Variants in MARCHF1 observed in about 807,000 individuals in gnomAD.
The protein encoded by MARCHF1 is membrane associated ring-CH-type finger 1.
A neutral mutation model predicts 54.2 loss-of-function variants in MARCHF1; 40 were observed. The observed-to-expected ratio is 0.74, with a 90% confidence interval of 0.57 to 0.96. MARCHF1 has a LOEUF of 0.96. Ranked by LOEUF, MARCHF1 falls within the 40% of genes least tolerant of loss-of-function variation. MARCHF1 has a pLI of 0.00. For synonymous variants in MARCHF1, 236 were observed against 236.3 expected (o/e 1.00, Z 0.01); for missense variants, 586 against 656.5 (o/e 0.89, Z 1.17).
chr4:163,989,285 T>TAG (rs1560850595), intron 2 of MARCHF1, among the ~76,000 whole-genome samples: 23 of 93,724 alleles, frequency 2.5e-4, no homozygotes, highest in East Asian at 6.7e-4. Context: ...GAATGAGGTG[T>TAG]TGAGAGAGAG....
At chr4:163,616,846 G>C (rs950771072) in intron 5 of MARCHF1, among the ~76,000 whole-genome samples, 7 of 151,990 alleles carry the variant, frequency 4.6e-5, no homozygotes, top group African/African-American at 1.7e-4. Flanking sequence ...GAAAACAGTA[G>C]GGAAATTTCT....
At chr4:163,633,330 A>G (rs564174222) in intron 5 of MARCHF1, among the ~76,000 whole-genome samples, 1 of 152,280 alleles carries the variant, frequency 6.6e-6, no homozygotes, top group South Asian at 2.1e-4. Context: ...CCAAAGGCAA[A>G]GAAGTTGAAA....
chr4:163,937,707 C>T (rs11737899), intron 3 of MARCHF1, among the ~76,000 whole-genome samples: 16,334 of 151,980 alleles, frequency 0.11, 936 homozygotes, highest in Non-Finnish European at 0.12. Context: ...ATAACTTGCC[C>T]GTTGGTTCAA....
At chr4:164,300,247 C>G (rs1349213323) in intron 1 of MARCHF1, among the ~76,000 whole-genome samples, 2 of 152,038 alleles carry the variant, frequency 1.3e-5, no homozygotes, top group Non-Finnish European at 2.9e-5. Context: ...AATAAATACC[C>G]CAGCTGAAGC....
intron 7 of MARCHF1, among the ~76,000 whole-genome samples, chr4:163,593,265 G>A (rs1740651247): frequency 6.6e-6 from 1 of 152,068 alleles, no homozygotes; most frequent in Admixed American, 6.6e-5. Context: ...GTCTTTTTGG[G>A]TGCATTTGTA....
chr4:164,275,414 C>T (rs1733853947), intron 1 of MARCHF1, among the ~76,000 whole-genome samples: 1 of 152,134 alleles, frequency 6.6e-6, no homozygotes, highest in Admixed American at 6.6e-5. Flanking sequence ...AACATTGCTG[C>T]ACTTATTTTT....
chr4:164,253,080 A>T (rs920754325), intron 1 of MARCHF1, among the ~76,000 whole-genome samples: 1 of 152,158 alleles, frequency 6.6e-6, no homozygotes, highest in Admixed American at 6.6e-5. Flanking sequence ...TAAAAATAAA[A>T]CTTAAAAATA....
At chr4:163,978,635 C>G (rs1403531933) in intron 3 of MARCHF1, among the ~76,000 whole-genome samples, 1 of 152,142 alleles carries the variant, frequency 6.6e-6, no homozygotes, top group African/African-American at 2.4e-5. Context: ...ATGCTTTTAA[C>G]CACCTTACTC....
At chr4:163,665,037 G>C (rs148985969) in intron 5 of MARCHF1, among the ~76,000 whole-genome samples, 326 of 152,096 alleles carry the variant, frequency 2.1e-3, no homozygotes, top group African/African-American at 7.7e-3. Flanking sequence ...GGTCTACCAA[G>C]GTAAAAGTGT....
intron 5 of MARCHF1, among the ~76,000 whole-genome samples, chr4:163,688,756 T>G (rs1455262678): frequency 2.6e-5 from 4 of 152,130 alleles, no homozygotes; most frequent in African/African-American, 9.7e-5. Context: ...CCTCTCTGAG[T>G]ACTGTCTTCT....
intron 4 of MARCHF1, among the ~76,000 whole-genome samples, chr4:163,734,449 G>A (rs1351811539): frequency 1.3e-5 from 2 of 151,204 alleles, no homozygotes; most frequent in African/African-American, 2.4e-5. Flanking sequence ...ATTTCTATAC[G>A]ATGACATCTT....
intron 2 of MARCHF1, among the ~76,000 whole-genome samples, chr4:164,026,382 C>T (rs1182810784): frequency 1.3e-5 from 2 of 152,126 alleles, no homozygotes; most frequent in Admixed American, 1.3e-4. Context: ...AAAGTTAATA[C>T]ACCACAATCA....
At position 163,554,983 on chromosome 4, in the gene MARCHF1, T is replaced by G. The variant is rs566175293; in HGVS notation, c.1192-9240A>C. Among the ~76,000 whole-genome samples, 186 of 152,314 alleles carry G rather than the reference T, an allele frequency of 1.2e-3. 1 individual carries two copies. The highest frequency in any genetic ancestry group is 2.0e-3 in the Non-Finnish European group (139 of 68,030). ...TTTCTTTCAAGATTTTCATGACAGA[T>G]GGGATTTCCTAAAAGTTTTAAGCAA... On this transcript the variant is annotated intron_variant, in intron 8 of 9. Transcript: ENST00000514618.
At chr4:163,691,086 T>C (rs1744434988) in intron 5 of MARCHF1, among the ~76,000 whole-genome samples, 1 of 152,300 alleles carries the variant, frequency 6.6e-6, no homozygotes, top group Non-Finnish European at 1.5e-5. Context: ...AAAAATATGC[T>C]GCATCCTGAG....
chr4:164,201,199 GTTTTACATGGTTTT>G (rs1402891753), intron 1 of MARCHF1, among the ~76,000 whole-genome samples: 2 of 116,776 alleles, frequency 1.7e-5, no homozygotes, highest in African/African-American at 3.8e-5. Flanking sequence ...TTACAGACAT[GTTTTACATGGTTTT>G]GTTTTGTTTT....
chr4:163,916,642 T>C (rs573374568), intron 3 of MARCHF1, among the ~76,000 whole-genome samples: 5 of 152,152 alleles, frequency 3.3e-5, no homozygotes, highest in South Asian at 2.1e-4. Context: ...AGACAAACAG[T>C]GCCGCATGTA....
At chr4:163,613,192 A>C in intron 6 of MARCHF1, 122 bp downstream of exon 6, 2 of 1,267,456 alleles carry the variant, frequency 1.6e-6, no homozygotes, top group Non-Finnish European at 2.1e-6. Flanking sequence ...AAAAATAGCC[A>C]GTATAAATTT....
chr4:164,241,908 C>T (rs555297545), intron 1 of MARCHF1, among the ~76,000 whole-genome samples: 7 of 152,338 alleles, frequency 4.6e-5, no homozygotes, highest in East Asian at 3.9e-4. Context: ...CCGAATACTG[C>T]GCTTTTCCAA....
chr4:164,123,013 G>A (rs1432098224), intron 1 of MARCHF1, among the ~76,000 whole-genome samples: 1 of 152,104 alleles, frequency 6.6e-6, no homozygotes, highest in East Asian at 1.9e-4. Context: ...AAAGGAAGAA[G>A]TCAAATTATC....
Sources: gnomAD v4.1 joint callset for allele counts (sites outside exome capture counted in the v4.1 genomes callset) on GRCh38, gnomAD v4.1.1 for gene constraint, MANE v1.5 for transcripts, NCBI Gene and HGNC (gene_info 2026-07-23, HGNC 2026-07-21) for gene names.